Variants in KCNH8 observed in about 807,000 individuals in gnomAD.
KCNH8 encodes the protein voltage-gated delayed rectifier potassium channel KCNH8.
In KCNH8, 70 loss-of-function variants were observed where a neutral mutation model predicts 103.6. The ratio of observed to expected loss-of-function variants is 0.68; its 90% CI spans 0.56 to 0.82. The LOEUF (loss-of-function observed/expected upper bound fraction) is 0.82, where lower values mean the gene tolerates loss of function less well. KCNH8 is among the 40% of genes least tolerant of loss of function. The probability of loss-of-function intolerance (pLI) is 0.00; values close to 1 mark genes in which losing one functional copy is unlikely to be tolerated. For missense variants in KCNH8, 1,217 were observed against 1,329.9 expected (o/e 0.92, Z 1.32); for synonymous variants, 498 against 489.4 (o/e 1.02, Z -0.23).
chr3:19,390,978 T>G (rs895162820), intron 6 of KCNH8, among the ~76,000 whole-genome samples: 1 of 152,140 alleles, frequency 6.6e-6, no homozygotes, highest in South Asian at 2.1e-4. Flanking sequence ...CAGATACATG[T>G]GTCAAGAATT....
chr3:19,379,363 C>T (rs1388561825), intron 5 of KCNH8, among the ~76,000 whole-genome samples: 6 of 152,108 alleles, frequency 3.9e-5, no homozygotes, highest in Non-Finnish European at 7.4e-5. Flanking sequence ...ATAAGAAGGC[C>T]GGGCCCAGTG....
At chr3:19,153,141 G>T (rs917373680) in intron 1 of KCNH8, among the ~76,000 whole-genome samples, 8 of 151,948 alleles carry the variant, frequency 5.3e-5, no homozygotes, top group African/African-American at 1.9e-4. Flanking sequence ...GCCCTCTAAA[G>T]GACTTATCAC....
intron 1 of KCNH8, among the ~76,000 whole-genome samples, chr3:19,249,771 G>A (rs572273341): frequency 3.4e-4 from 52 of 152,246 alleles, no homozygotes; most frequent in African/African-American, 1.2e-3. Context: ...CTACATAAAT[G>A]TGAGTGATTA....
chr3:19,165,713 T>A (rs889803247), intron 1 of KCNH8, among the ~76,000 whole-genome samples: 3 of 152,194 alleles, frequency 2.0e-5, no homozygotes, highest in African/African-American at 7.2e-5. Flanking sequence ...TACAGACTTG[T>A]TTTCTATGTT....
At chr3:19,418,325 A>G (rs1370817700) in intron 7 of KCNH8, among the ~76,000 whole-genome samples, 1 of 152,210 alleles carries the variant, frequency 6.6e-6, no homozygotes, top group Non-Finnish European at 1.5e-5. Context: ...GAAGCAGGTC[A>G]GATATTAAAC....
rs9879169 is a variant in KCNH8 at position 19,355,493 on chromosome 3, T to A, written c.811+7528T>A. ...GACTTGGAACCAACCCAAATGTCCA[T>A]CAATGATAGACTGGATTAAGAAAAT... On this transcript the variant is annotated intron_variant, in intron 5 of 15. Transcript: ENST00000328405. 2.4e-3 allele frequency among the ~76,000 whole-genome samples: 362 copies of A among 152,136 alleles called. 5 individuals carry two copies. The highest frequency in any genetic ancestry group is 8.1e-3 in the African/African-American group (338 of 41,520).
chr3:19,404,287 C>T (rs1030668635), intron 7 of KCNH8, among the ~76,000 whole-genome samples: 2 of 151,924 alleles, frequency 1.3e-5, no homozygotes, highest in Non-Finnish European at 2.9e-5. Context: ...AGAGCTGTTG[C>T]TTTCTAGTCT....
chr3:19,337,764 G>C (rs1434728904), intron 3 of KCNH8, among the ~76,000 whole-genome samples: 1 of 152,062 alleles, frequency 6.6e-6, no homozygotes, highest in Non-Finnish European at 1.5e-5. Context: ...AGGCTCCTGA[G>C]TAATCTCCTA....
intron 2 of KCNH8, among the ~76,000 whole-genome samples, chr3:19,267,271 C>A (rs776141455): frequency 6.6e-6 from 1 of 152,064 alleles, no homozygotes; most frequent in Non-Finnish European, 1.5e-5. Context: ...GCAACTTGCA[C>A]ACAACTCAGA....
Position 19,421,883 on chromosome 3 carries a change from T to C in KCNH8, c.1178-16281T>C, listed in dbSNP as rs2066956577. ...ATGTATAATCTCAATCAGGTCTTTT[T>C]GTTTTGTTTTGTTTGGAGGACTAAT... On this transcript the variant is annotated intron_variant, in intron 7 of 15. Coordinates refer to ENST00000328405, the MANE Select transcript of KCNH8 (RefSeq NM_144633.3). 2.6e-5 allele frequency among the ~76,000 whole-genome samples: 4 copies of C among 152,092 alleles called. No individual in the cohort carries two copies. In the South Asian group the frequency reaches 6.2e-4, roughly 24 times the overall value.
chr3:19,361,882 G>A (rs139271228), intron 5 of KCNH8, among the ~76,000 whole-genome samples: 1 of 151,870 alleles, frequency 6.6e-6, no homozygotes, highest in Non-Finnish European at 1.5e-5. Flanking sequence ...ACATAATTAG[G>A]GCAGGTATAT....
chr3:19,271,091 AATAG>A lies in KCNH8; in HGVS notation c.311-10104_311-10101del, dbSNP rs564143235. ...AATATTTCCTTTTTAATATATCAAA[AATAG>A]ATCATTCACTCCTGTGATAATGATT... On this transcript the variant is annotated intron_variant, in intron 2 of 15. Transcript: ENST00000328405. Among the ~76,000 whole-genome samples the A allele has an allele frequency of 2.2e-3, 339 of 152,242 alleles. 2 individuals are homozygous for A. The highest frequency in any genetic ancestry group is 7.8e-3 in the African/African-American group (326 of 41,562).
At chr3:19,490,598 G>A (rs958127057) in intron 11 of KCNH8, among the ~76,000 whole-genome samples, 6 of 152,214 alleles carry the variant, frequency 3.9e-5, no homozygotes, top group African/African-American at 1.4e-4. Context: ...GTGGCACCGG[G>A]TTGTCTGCCT....
chr3:19,165,245 A>T (rs1279163448), intron 1 of KCNH8, among the ~76,000 whole-genome samples: 5 of 152,202 alleles, frequency 3.3e-5, no homozygotes, highest in African/African-American at 9.7e-5. Flanking sequence ...TGCAAAAGTA[A>T]TGGCAAAAAC....
intron 3 of KCNH8, among the ~76,000 whole-genome samples, chr3:19,285,764 A>G (rs528741928): frequency 6.6e-6 from 1 of 152,086 alleles, no homozygotes; most frequent in African/African-American, 2.4e-5. Flanking sequence ...CAGAGCCTAC[A>G]TTATGTTTTT....
At chr3:19,526,135 C>G (rs1461582139) in intron 15 of KCNH8, among the ~76,000 whole-genome samples, 2 of 151,802 alleles carry the variant, frequency 1.3e-5, no homozygotes, top group Non-Finnish European at 2.9e-5. Flanking sequence ...AGTAGTGGGG[C>G]AGGGGAGGAT....
Position 19,371,309 on chromosome 3 carries a change from G to C in KCNH8, c.812-19172G>C, listed in dbSNP as rs1221573880. On this transcript the variant is annotated intron_variant, in intron 5 of 15. Transcript: ENST00000328405. ...TTTTTAATGATTGCCATTCTAACTG[G>C]TGTGAGATGGTATCTCATTGTGGTT... Among the ~76,000 whole-genome samples the C allele has an allele frequency of 3.3e-5, 5 of 151,766 alleles. No individual in the cohort carries two copies. The East Asian group carries it at 5.8e-4, about 18-fold the overall frequency.
chr3:19,205,081 C>A (rs565269838), intron 1 of KCNH8, among the ~76,000 whole-genome samples: 2 of 152,096 alleles, frequency 1.3e-5, no homozygotes, highest in Admixed American at 6.6e-5. Flanking sequence ...ACCCACCCAC[C>A]CACCAAACCA....
At chr3:19,417,097 C>T (rs988505026) in intron 7 of KCNH8, among the ~76,000 whole-genome samples, 1 of 150,970 alleles carries the variant, frequency 6.6e-6, no homozygotes, top group African/African-American at 2.4e-5. Flanking sequence ...TAACTTCCTA[C>T]TCTTTATTTT....
Sources: allele counts gnomAD v4.1 joint callset (sites outside exome capture counted in the v4.1 genomes callset), GRCh38; gene constraint gnomAD v4.1.1; transcripts MANE v1.5; gene names NCBI Gene and HGNC (gene_info 2026-07-23, HGNC 2026-07-21).